AMPH: variants seen among roughly 807,000 people sequenced by gnomAD.
The protein encoded by AMPH is amphiphysin (Stiff-Mann syndrome with breast cancer 128kD autoantigen).
In AMPH, 49 loss-of-function variants were observed where a neutral mutation model predicts 99.1. The observed-to-expected ratio is 0.49, with a 90% CI of 0.39 to 0.63. AMPH has a LOEUF of 0.63. Among genes scored for constraint, AMPH ranks in the 20% least tolerant of loss-of-function variants. The pLI, the probability that AMPH is intolerant of heterozygous loss-of-function variation, is 0.00. For missense variants in AMPH, 759 were observed against 863.4 expected, an observed-to-expected ratio of 0.88 and a Z score of 1.52; for synonymous variants, 314 against 317.3, an observed-to-expected ratio of 0.99 and a Z score of 0.11.
chr7:38,503,419 T>A (rs1241907156), intron 3 of AMPH, among the ~76,000 whole-genome samples: 1 of 151,452 alleles, frequency 6.6e-6, no homozygotes, highest in African/African-American at 2.4e-5. Context: ...GTGGCATTTA[T>A]TTCTAGTTTC....
chr7:38,486,157 G>A (rs1267663132), intron 5 of AMPH, among the ~76,000 whole-genome samples: 1 of 104,820 alleles, frequency 9.5e-6, no homozygotes, highest in African/African-American at 6.3e-5. Context: ...AGGTAACTAT[G>A]AGTTTTTTTT....
intron 1 of AMPH, among the ~76,000 whole-genome samples, chr7:38,547,231 C>A (rs1374088879): frequency 6.6e-6 from 1 of 152,126 alleles, no homozygotes. Context: ...TTTCCCATAA[C>A]CCTCCCCACA....
chr7:38,500,571 C>T (rs77327535), intron 3 of AMPH, among the ~76,000 whole-genome samples: 2 of 152,144 alleles, frequency 1.3e-5, no homozygotes, highest in African/African-American at 4.8e-5. Context: ...GCACGCTCCA[C>T]ACCAAAGAGG....
intron 1 of AMPH, among the ~76,000 whole-genome samples, chr7:38,586,427 C>G (rs547649089): frequency 6.6e-6 from 1 of 152,314 alleles, no homozygotes; most frequent in South Asian, 2.1e-4. Context: ...GTACCAATCA[C>G]AGAATATATC....
At chr7:38,410,818 G>A (rs889901643) in intron 17 of AMPH, among the ~76,000 whole-genome samples, 3 of 152,148 alleles carry the variant, frequency 2.0e-5, no homozygotes, top group African/African-American at 7.2e-5. Context: ...GGAGGATTAG[G>A]ACACACATTA....
At chr7:38,451,731 G>A (rs1033296100) in intron 11 of AMPH, among the ~76,000 whole-genome samples, 1 of 151,976 alleles carries the variant, frequency 6.6e-6, no homozygotes, top group African/African-American at 2.4e-5. Context: ...AGCATCTAAT[G>A]ATACTAGTTT....
At chr7:38,493,012 A>C (rs1788785716) in intron 4 of AMPH, among the ~76,000 whole-genome samples, 1 of 152,226 alleles carries the variant, frequency 6.6e-6, no homozygotes, top group African/African-American at 2.4e-5. Flanking sequence ...GCTTTGGCCA[A>C]ATCTACATCC....
intron 11 of AMPH, among the ~76,000 whole-genome samples, chr7:38,443,191 C>A (rs957283995): frequency 6.6e-6 from 1 of 151,678 alleles, no homozygotes; most frequent in Non-Finnish European, 1.5e-5. Context: ...AAATAGATAC[C>A]CTGAACTGCT....
chr7:38,580,120 C>T (rs1299700118), intron 1 of AMPH, among the ~76,000 whole-genome samples: 1 of 152,048 alleles, frequency 6.6e-6, no homozygotes, highest in African/African-American at 2.4e-5. Flanking sequence ...GATTTTGATC[C>T]CAAACTAGGA....
At chr7:38,485,133 A>G (rs1197715256) in intron 5 of AMPH, among the ~76,000 whole-genome samples, 1 of 151,926 alleles carries the variant, frequency 6.6e-6, no homozygotes, top group African/African-American at 2.4e-5. Context: ...CCTACTAATA[A>G]TTACTTTAAA....
chr7:38,391,732 T>C lies in AMPH; in HGVS notation c.1878+16A>G. 23 of 1,606,414 alleles carry C rather than the reference T, an allele frequency of 1.4e-5. No homozygotes were observed. The highest frequency in any genetic ancestry group is 1.7e-5 in the Non-Finnish European group (20 of 1,177,976). Reference sequence around the variant, plus strand: ...AAGCAAAAAAAGGATAAATGAGACTTAAAAAATAAGAATACCTTGTAGAGA... The same window carrying C: ...AAGCAAAAAAAGGATAAATGAGACTCAAAAAATAAGAATACCTTGTAGAGA... On this transcript the variant is annotated intron_variant, in intron 19 of 20. Transcript: ENST00000356264.
chr7:38,473,124 A>G lies in AMPH; in HGVS notation c.590+2207T>C, dbSNP rs181836876. ...TTGGCACTGGCAATTTCCCAGGGGTATTATCTCATAATTGAAAGCCTTGAA... is the reference window on the plus strand; with the variant it reads ...TTGGCACTGGCAATTTCCCAGGGGTGTTATCTCATAATTGAAAGCCTTGAA... On this transcript the variant is annotated intron_variant, in intron 7 of 20. Transcript: ENST00000356264. Among the ~76,000 whole-genome samples, 7 of 152,196 alleles carry G rather than the reference A, an allele frequency of 4.6e-5. No homozygotes were observed. In the East Asian group the frequency reaches 1.3e-3, roughly 29 times the overall value.
intron 2 of AMPH, among the ~76,000 whole-genome samples, chr7:38,508,838 T>C (rs890320928): frequency 2.6e-5 from 4 of 152,370 alleles, no homozygotes; most frequent in Middle Eastern, 3.4e-3. Context: ...TTGCTGATCA[T>C]TTTTGAAGCT....
chr7:38,534,077 CT>C lies in AMPH; in HGVS notation c.150+853del, dbSNP rs562947293. 1.6e-3 allele frequency among the ~76,000 whole-genome samples: 239 copies of C among 152,082 alleles called. 1 individual carries two copies. The highest frequency in any genetic ancestry group is 5.4e-3 in the African/African-American group (224 of 41,506). ...CATCTCCCCAAGGAGTCTTTTAAGA[CT>C]TTTTTTTCTGAATTACACCCCCTGT... On this transcript the variant is annotated intron_variant, in intron 2 of 20. Transcript: ENST00000356264.
intron 1 of AMPH, among the ~76,000 whole-genome samples, chr7:38,618,877 T>C (rs1055225923): frequency 6.6e-6 from 1 of 152,226 alleles, no homozygotes; most frequent in African/African-American, 2.4e-5. Context: ...AATCCTGTCT[T>C]TTCAGTTAAT....
At chr7:38,553,197 G>C in intron 1 of AMPH, among the ~76,000 whole-genome samples, 1 of 152,230 alleles carries the variant, frequency 6.6e-6, no homozygotes, top group East Asian at 1.9e-4. Flanking sequence ...CGGCCTTGCA[G>C]TGGTTATAGC....
chr7:38,593,890 G>T (rs1212158504), intron 1 of AMPH, among the ~76,000 whole-genome samples: 3 of 152,216 alleles, frequency 2.0e-5, no homozygotes, highest in East Asian at 3.9e-4. Context: ...AGACAAAGCT[G>T]GCGGGAGGGT....
At chr7:38,549,171 T>C (rs1791096043) in intron 1 of AMPH, among the ~76,000 whole-genome samples, 5 of 152,254 alleles carry the variant, frequency 3.3e-5, no homozygotes, top group South Asian at 4.1e-4. Context: ...AATTTATTTC[T>C]AGCTGCTGTA....
intron 1 of AMPH, among the ~76,000 whole-genome samples, chr7:38,536,385 T>A (rs1790600983): frequency 6.6e-6 from 1 of 152,222 alleles, no homozygotes; most frequent in Admixed American, 6.5e-5. Flanking sequence ...TTTATAATGT[T>A]ATATTAATAA....
Sources: allele counts gnomAD v4.1 joint callset (sites outside exome capture counted in the v4.1 genomes callset), GRCh38; gene constraint gnomAD v4.1.1; transcripts MANE v1.5; gene names NCBI Gene and HGNC (gene_info 2026-07-23, HGNC 2026-07-21).